The following CSMD1 variants were observed in gnomAD, a reference collection of about 807,000 sequenced individuals.
CSMD1 encodes CUB and Sushi multiple domains 1.
In CSMD1, 213 loss-of-function variants were observed where a neutral mutation model predicts 417.5. The ratio of observed to expected loss-of-function variants is 0.51; its 90% CI spans 0.46 to 0.57. The LOEUF (loss-of-function observed/expected upper bound fraction) is 0.57, where lower values mean the gene tolerates loss of function less well. CSMD1 is among the 20% of genes least tolerant of loss of function. The pLI is 0.00. For missense variants in CSMD1, 6,923 were observed against 4,529.7 expected (o/e 1.53, Z -15.17); for synonymous variants, 2,862 against 1,736.8 (o/e 1.65, Z -16.11).
intron 1 of CSMD1, among the ~76,000 whole-genome samples, chr8:4,992,972 G>A (rs1446471893): frequency 6.6e-6 from 1 of 152,196 alleles, no homozygotes; most frequent in Admixed American, 6.5e-5. Flanking sequence ...ACGGAGCCCT[G>A]GACGCCCCGT....
At chr8:3,391,148 CAT>C (rs1811321997) in intron 17 of CSMD1, among the ~76,000 whole-genome samples, 1 of 146,232 alleles carries the variant, frequency 6.8e-6, no homozygotes, top group African/African-American at 2.6e-5. Flanking sequence ...CTTTTCTGAT[CAT>C]ATAAAAAGTC....
rs116148983 is a variant in CSMD1 at position 3,722,037 on chromosome 8, G to C, written c.932-13546C>G. Among the ~76,000 whole-genome samples, 745 of 152,264 alleles carry C rather than the reference G, an allele frequency of 4.9e-3. 5 individuals carry two copies. The highest frequency in any genetic ancestry group is 0.016 in the African/African-American group (662 of 41,552). On this transcript the variant is annotated intron_variant, in intron 6 of 69. Coordinates refer to ENST00000635120, the MANE Select transcript of CSMD1 (RefSeq NM_033225.6). ...AGTTGGCACAGGTTGTACAAGTAGA[G>C]ATGTGTCAGAAGCATAAGGAAGAGG...
intron 36 of CSMD1, among the ~76,000 whole-genome samples, chr8:3,186,539 C>A (rs1025053022): frequency 5.9e-5 from 9 of 152,114 alleles, no homozygotes; most frequent in African/African-American, 2.2e-4. Flanking sequence ...GAGATAAGAT[C>A]TTTGAACCAT....
chr8:3,690,949 C>T (rs1342985442), intron 7 of CSMD1, among the ~76,000 whole-genome samples: 6 of 152,116 alleles, frequency 3.9e-5, no homozygotes, highest in African/African-American at 1.4e-4. Flanking sequence ...AAAGTCGGCC[C>T]CATGATTTGA....
chr8:3,193,471 T>G (rs1585615191), intron 33 of CSMD1, among the ~76,000 whole-genome samples: 1 of 152,014 alleles, frequency 6.6e-6, no homozygotes, highest in South Asian at 2.1e-4. Context: ...GGGAAGCGGG[T>G]GGGTGGAAAT....
At chr8:4,010,264 C>G (rs1261798013) in intron 4 of CSMD1, among the ~76,000 whole-genome samples, 1 of 152,102 alleles carries the variant, frequency 6.6e-6, no homozygotes, top group Non-Finnish European at 1.5e-5. Context: ...TTCCCTCCCT[C>G]ATGTGCCCAG....
chr8:4,087,736 C>A (rs1391005538), intron 3 of CSMD1, among the ~76,000 whole-genome samples: 1 of 152,196 alleles, frequency 6.6e-6, no homozygotes, highest in African/African-American at 2.4e-5. Context: ...ACCCTTTCTT[C>A]TGTCTCTCCC....
At chr8:3,431,036 C>A (rs1012926222) in intron 12 of CSMD1, among the ~76,000 whole-genome samples, 5 of 152,142 alleles carry the variant, frequency 3.3e-5, no homozygotes, top group African/African-American at 1.2e-4. Flanking sequence ...AGATCAGGAA[C>A]CCTGCTAGTA....
At chr8:3,628,143 T>A (rs980860316) in intron 7 of CSMD1, among the ~76,000 whole-genome samples, 1 of 152,214 alleles carries the variant, frequency 6.6e-6, no homozygotes, top group Non-Finnish European at 1.5e-5. Context: ...TTCACCTTTG[T>A]TGACGTGTAA....
At chr8:4,679,002 AGAACAACAGG>A (rs1805865658) in intron 1 of CSMD1, among the ~76,000 whole-genome samples, 1 of 152,218 alleles carries the variant, frequency 6.6e-6, no homozygotes, top group African/African-American at 2.4e-5. Flanking sequence ...CCTCACCCAC[AGAACAACAGG>A]GACCTGCCCA....
chr8:3,339,294 C>G (rs552969339), intron 23 of CSMD1, among the ~76,000 whole-genome samples: 1 of 152,186 alleles, frequency 6.6e-6, no homozygotes, highest in African/African-American at 2.4e-5. Flanking sequence ...TTCACAGGCC[C>G]TTCACTTCAA....
At chr8:4,453,708 G>C (rs939867954) in intron 2 of CSMD1, among the ~76,000 whole-genome samples, 1 of 151,844 alleles carries the variant, frequency 6.6e-6, no homozygotes, top group African/African-American at 2.4e-5. Context: ...GGTATGCACA[G>C]GCATCACAGC....
intron 8 of CSMD1, among the ~76,000 whole-genome samples, chr8:3,612,990 A>G (rs1250692682): frequency 2.6e-5 from 4 of 152,068 alleles, no homozygotes; most frequent in African/African-American, 7.2e-5. Flanking sequence ...GTAAAAGTAA[A>G]TTGTATTTTT....
intron 2 of CSMD1, among the ~76,000 whole-genome samples, chr8:4,604,574 G>A (rs182431888): frequency 6.6e-6 from 1 of 151,944 alleles, no homozygotes; most frequent in African/African-American, 2.4e-5. Context: ...TCTCTAATTT[G>A]TCAACAGAAT....
chr8:4,267,544 G>A (rs1714701), intron 3 of CSMD1, among the ~76,000 whole-genome samples: 72,299 of 151,480 alleles, frequency 0.48, 19,898 homozygotes, highest in Non-Finnish European at 0.63. Context: ...AACTCCAATT[G>A]TAATAGAAAT....
At chr8:3,696,822 T>G (rs1357698679) in intron 7 of CSMD1, among the ~76,000 whole-genome samples, 1 of 152,220 alleles carries the variant, frequency 6.6e-6, no homozygotes, top group Non-Finnish European at 1.5e-5. Context: ...TCATTTGAAT[T>G]AAAATGTATT....
intron 5 of CSMD1, among the ~76,000 whole-genome samples, chr8:3,827,826 G>T (rs1035512772): frequency 7.2e-5 from 11 of 152,102 alleles, no homozygotes; most frequent in Non-Finnish European, 1.3e-4. Flanking sequence ...GTAAAAGTCG[G>T]TCCACTAATA....
chr8:3,620,174 A>G (rs948592265), intron 7 of CSMD1, among the ~76,000 whole-genome samples: 2 of 152,172 alleles, frequency 1.3e-5, no homozygotes, highest in East Asian at 1.9e-4. Flanking sequence ...TGTCAGCTGA[A>G]AATTCTACAT....
intron 26 of CSMD1, among the ~76,000 whole-genome samples, chr8:3,254,466 G>A (rs1310463825): frequency 6.6e-6 from 1 of 152,186 alleles, no homozygotes; most frequent in Non-Finnish European, 1.5e-5. Flanking sequence ...ATCCTGCAGA[G>A]TGTTTTCCAA....
Sources: allele counts gnomAD v4.1 joint callset (sites outside exome capture counted in the v4.1 genomes callset), GRCh38; gene constraint gnomAD v4.1.1; transcripts MANE v1.5; gene names NCBI Gene and HGNC (gene_info 2026-07-23, HGNC 2026-07-21).